CHD8: variants seen among roughly 807,000 people sequenced by gnomAD.
CHD8 encodes chromodomain helicase DNA binding protein 8, also known as ATP-dependent chromatin remodeler CHD8.
Under a neutral mutation model 279.2 loss-of-function variants are expected in CHD8, and 31 were observed. The ratio of observed to expected loss-of-function variants is 0.11; its 90% CI spans 0.08 to 0.15. The LOEUF (loss-of-function observed/expected upper bound fraction) is 0.15. Ranked by LOEUF, CHD8 falls within the 10% of genes least tolerant of loss-of-function variation. The pLI is 1.00. For synonymous variants in CHD8, 1,081 were observed against 1,139.6 expected (o/e 0.95, Z 1.04); for missense variants, 2,146 against 3,230.5 (o/e 0.66, Z 8.14).
In CHD8 at chr14:21,397,862, TCTG is replaced by T; in HGVS notation, c.5009_5011del (p.Ala1670del). The T allele has an allele frequency of 6.2e-7, 1 of 1,613,648 alleles. No homozygotes were observed. The highest frequency in any genetic ancestry group is 8.5e-7 in the Non-Finnish European group (1 of 1,179,712). ...AGAGAAGTTATCCAACACTCGATGT[TCTG>T]CTGCAATTGCTTTGTCATCTGGTCG... On this transcript the variant is annotated inframe_deletion, in exon 27 of 38. Transcript: ENST00000646647.
At chr14:21,401,138 T>A in intron 21 of CHD8, 67 bp from the exon 22 acceptor site, 1 of 1,178,412 alleles carries the variant, frequency 8.5e-7, no homozygotes, top group Non-Finnish European at 1.2e-6. Context: ...AATAAGACAA[T>A]TAGGGATTAC....
intron 1 of CHD8, among the ~76,000 whole-genome samples, chr14:21,449,262 T>TTGTG (rs1890202572): frequency 1.3e-5 from 2 of 152,288 alleles, no homozygotes; most frequent in South Asian, 4.1e-4. Flanking sequence ...CTACTCTTGG[T>TTGTG]TGTGTTACCT....
intron 1 of CHD8, among the ~76,000 whole-genome samples, chr14:21,445,154 C>CAT (rs1890081521): frequency 1.3e-5 from 2 of 152,210 alleles, no homozygotes; most frequent in African/African-American, 4.8e-5. Context: ...GCCTTTATTA[C>CAT]CCTTTGGCTC....
At chr14:21,437,205 G>T in intron 1 of CHD8, 1 of 1,183,146 alleles carries the variant, frequency 8.5e-7, no homozygotes. Flanking sequence ...TGCAGTGGCT[G>T]TGGGGGGCCG....
chr14:21,429,424 C>T (rs1279561331), intron 2 of CHD8, 89 bp from the exon 3 acceptor site: 3 of 1,312,870 alleles, frequency 2.3e-6, no homozygotes, highest in East Asian at 2.3e-5. Flanking sequence ...ATGCTAGAAT[C>T]ATAAAAACTA....
intron 27 of CHD8, chr14:21,397,349 C>T (rs188164714): frequency 3.9e-6 from 2 of 518,858 alleles, no homozygotes; most frequent in South Asian, 2.8e-5. Context: ...CAAACCAGGG[C>T]AACACTGCCC....
chr14:21,440,826 C>CGTT (rs1889939170), intron 1 of CHD8, among the ~76,000 whole-genome samples: 2 of 152,270 alleles, frequency 1.3e-5, no homozygotes, highest in African/African-American at 4.8e-5. Context: ...ATCAGAATTA[C>CGTT]ATTTTGGTTA....
intron 10 of CHD8, 138 bp downstream of exon 10, chr14:21,412,775 A>G (rs748697065): frequency 3.7e-5 from 24 of 649,166 alleles, no homozygotes; most frequent in Non-Finnish European, 5.3e-5. Context: ...TATCTTTCAA[A>G]GGATTCCACA....
intron 1 of CHD8, among the ~76,000 whole-genome samples, chr14:21,434,195 G>A (rs576321361): frequency 2.1e-4 from 32 of 151,856 alleles, no homozygotes; most frequent in Non-Finnish European, 3.8e-4. Context: ...ACAGGCCTGC[G>A]CCACCACACT....
intron 1 of CHD8, among the ~76,000 whole-genome samples, chr14:21,442,169 A>G (rs1308360668): frequency 6.6e-6 from 1 of 152,070 alleles, no homozygotes; most frequent in African/African-American, 2.4e-5. Flanking sequence ...TAACAAAGGG[A>G]GACTGTTTCT....
chr14:21,438,054 A>C (rs1304237761), intron 1 of CHD8, among the ~76,000 whole-genome samples: 3 of 152,000 alleles, frequency 2.0e-5, no homozygotes, highest in African/African-American at 7.2e-5. Context: ...AAATCCACCA[A>C]AGTAAACTTG....
Position 21,429,062 on chromosome 14 carries a change from C to A in CHD8, c.1117G>T (p.Val373Leu). 1 of 1,613,970 alleles carries A rather than the reference C, an allele frequency of 6.2e-7. No individual in the cohort carries two copies. The highest frequency in any genetic ancestry group is 8.5e-7 in the Non-Finnish European group (1 of 1,179,874). Residue 373 changes from valine to leucine, a missense_variant, in exon 3 of 38, where the codon GTG (valine) becomes TTG (leucine). Physicochemically the swap from Val to Leu is conservative, Grantham distance 32. Around this residue, in one of 26 missense-constraint regions of CHD8, gnomAD observed 170 missense variants for 189.9 expected, o/e 0.90. Coordinates refer to ENST00000646647, the MANE Select transcript of CHD8 (RefSeq NM_001170629.2). ...QPQQPPSTQPVTLSSVQQAQI... is the reference protein window; with the variant it reads ...QPQQPPSTQPLTLSSVQQAQI... ...GCCTGCTGTACAGAGGACAGAGTCA[C>A]TGGCTGGGTGGAGGGTGGCTGCTGG...
chr14:21,401,342 A>G, intron 21 of CHD8, 61 bp downstream of exon 21: 1 of 1,003,448 alleles, frequency 1.0e-6, no homozygotes, highest in Non-Finnish European at 1.5e-6. Context: ...GAGTAGCTGT[A>G]AAGACTCCCG....
At position 21,393,202 on chromosome 14, in the gene CHD8, A is replaced by G; in HGVS notation, c.6372T>C (p.Thr2124=). Residue 2124 remains threonine (T), a synonymous_variant, in exon 33 of 38, where the codon ACT becomes ACC. Coordinates refer to ENST00000646647, the MANE Select transcript of CHD8 (RefSeq NM_001170629.2). ...CATTTGGGAATCCATCTTGGGACAT[A>G]GTGAGGGACAGGAGACTCTCTTCAT... is the stretch of plus-strand genomic sequence containing the variant. The part of the protein sequence containing the change: ...LYDEESLLSL[T]MSQDGFPNED... 6.2e-7 allele frequency: 1 copy of G among 1,613,922 alleles called. No homozygotes were observed. The highest frequency in any genetic ancestry group is 1.3e-5 in the African/African-American group (1 of 75,010).
At chr14:21,401,544 G>T in intron 20 of CHD8, 31 bp from the exon 21 acceptor site, 1 of 1,182,316 alleles carries the variant, frequency 8.5e-7, no homozygotes, top group Non-Finnish European at 1.1e-6. Context: ...AGGTAAAGCT[G>T]ACTTTTTTTT....
At chr14:21,399,342 G>GT (rs1887932783) in intron 26 of CHD8, 1 of 453,104 alleles carries the variant, frequency 2.2e-6, no homozygotes, top group Non-Finnish European at 4.1e-6. Flanking sequence ...ATACAGTGCG[G>GT]TAACACACTG....
chr14:21,388,547 G>A (rs1566407032), intron 37 of CHD8, among the ~76,000 whole-genome samples: 1 of 152,120 alleles, frequency 6.6e-6, no homozygotes, highest in East Asian at 1.9e-4. Flanking sequence ...AGGCTGGAGT[G>A]CAGTGGCATG....
chr14:21,407,246 T>G (rs1888290278), intron 13 of CHD8, among the ~76,000 whole-genome samples: 1 of 152,074 alleles, frequency 6.6e-6, no homozygotes, highest in Non-Finnish European at 1.5e-5. Flanking sequence ...CTTGGGAAAA[T>G]GACAGACTCA....
chr14:21,445,024 C>T (rs1890077990), intron 1 of CHD8, among the ~76,000 whole-genome samples: 1 of 152,186 alleles, frequency 6.6e-6, no homozygotes, highest in Non-Finnish European at 1.5e-5. Context: ...AATCATTCTC[C>T]AGCATCTCCT....
Sources: allele counts gnomAD v4.1 joint callset (sites outside exome capture counted in the v4.1 genomes callset), GRCh38; gene constraint gnomAD v4.1.1; regional missense constraint gnomAD v4.1.1; transcripts MANE v1.5; gene names NCBI Gene and HGNC (gene_info 2026-07-23, HGNC 2026-07-21).